CTNNA3: variants seen among roughly 807,000 people sequenced by gnomAD.
CTNNA3 encodes catenin alpha 3, also known as catenin alpha-3.
A neutral mutation model predicts 95.7 loss-of-function variants in CTNNA3; 76 were observed. That is an observed-to-expected ratio of 0.79 (90% CI 0.66 to 0.96). The LOEUF is 0.96. Among genes scored for constraint, CTNNA3 ranks in the 40% least tolerant of loss-of-function variants. The pLI is 0.00. For missense variants in CTNNA3, 1,191 were observed against 1,089.8 expected (o/e 1.09, Z -1.31); for synonymous variants, 431 against 374.4 (o/e 1.15, Z -1.74).
chr10:67,627,872 A>G (rs1839009951), intron 2 of CTNNA3, among the ~76,000 whole-genome samples: 1 of 151,884 alleles, frequency 6.6e-6, no homozygotes, highest in African/African-American at 2.4e-5. Flanking sequence ...ACTACTGTAT[A>G]TGATAAACAA....
chr10:67,629,945 A>G (rs1839086084), intron 2 of CTNNA3, among the ~76,000 whole-genome samples: 1 of 152,100 alleles, frequency 6.6e-6, no homozygotes, highest in African/African-American at 2.4e-5. Context: ...CTAGGTACTA[A>G]CTGCTTAAAT....
At chr10:66,089,466 C>A (rs1354355388) in intron 14 of CTNNA3, among the ~76,000 whole-genome samples, 1 of 151,432 alleles carries the variant, frequency 6.6e-6, no homozygotes, top group East Asian at 1.9e-4. Context: ...ATTCCTTGTG[C>A]CTTTTTTTCT....
chr10:66,911,584 A>C (rs1215887451), intron 7 of CTNNA3, among the ~76,000 whole-genome samples: 1 of 152,188 alleles, frequency 6.6e-6, no homozygotes, highest in Non-Finnish European at 1.5e-5. Flanking sequence ...TAAGAAATAG[A>C]CTAATCTCAA....
At chr10:66,425,974 A>G (rs2093237127) in intron 11 of CTNNA3, among the ~76,000 whole-genome samples, 1 of 152,050 alleles carries the variant, frequency 6.6e-6, no homozygotes, top group South Asian at 2.1e-4. Context: ...TTTGTACTTT[A>G]TATCACTTAA....
intron 9 of CTNNA3, among the ~76,000 whole-genome samples, chr10:66,675,750 C>T (rs529847709): frequency 1.8e-4 from 27 of 152,060 alleles, no homozygotes; most frequent in Admixed American, 3.3e-4. Flanking sequence ...TTTTTATTGG[C>T]ACAGATACCA....
intron 1 of CTNNA3, among the ~76,000 whole-genome samples, chr10:67,758,500 C>T (rs1198921680): frequency 6.6e-6 from 1 of 151,624 alleles, no homozygotes; most frequent in Non-Finnish European, 1.5e-5. Context: ...TAAAATGGTG[C>T]TATAATCATA....
At chr10:66,057,203 T>C (rs1378687778) in intron 15 of CTNNA3, among the ~76,000 whole-genome samples, 1 of 152,194 alleles carries the variant, frequency 6.6e-6, no homozygotes, top group Admixed American at 6.5e-5. Flanking sequence ...GTCTGAATAG[T>C]AAAGTCTGGA....
chr10:66,280,574 T>C lies in CTNNA3; in HGVS notation c.1780A>G (p.Ser594Gly). 6.2e-7 allele frequency: 1 copy of C among 1,609,336 alleles called. No individual in the cohort carries two copies. The highest frequency in any genetic ancestry group is 8.5e-7 in the Non-Finnish European group (1 of 1,177,870). ...TCCAACACATTCAATGAGCTTTTGCTTAAGGCTTCCAAGGCAACATTCACT... is the reference window on the plus strand; with the variant it reads ...TCCAACACATTCAATGAGCTTTTGCCTAAGGCTTCCAAGGCAACATTCACT... The part of the protein sequence containing the change: ...TQVNVALEAL[S>G]KSSLNVLDDN... Residue 594 changes from serine to glycine, a missense_variant, in exon 13 of 18, where the codon AGC becomes GGC. Ser to Gly is a moderately conservative substitution (Grantham distance 56). Transcript: ENST00000433211.
chr10:67,326,220 T>A (rs1452686448), intron 5 of CTNNA3, among the ~76,000 whole-genome samples: 1 of 152,206 alleles, frequency 6.6e-6, no homozygotes, highest in Non-Finnish European at 1.5e-5. Flanking sequence ...ATTTAAGCCA[T>A]TTACACTCAA....
intron 11 of CTNNA3, among the ~76,000 whole-genome samples, chr10:66,394,947 A>G (rs966796345): frequency 9.9e-5 from 15 of 152,068 alleles, no homozygotes; most frequent in African/African-American, 2.9e-4. Flanking sequence ...ATAGAATGCA[A>G]ATGTACAGAT....
intron 7 of CTNNA3, among the ~76,000 whole-genome samples, chr10:66,877,656 G>A (rs139721353): frequency 7.1e-4 from 108 of 152,208 alleles, no homozygotes; most frequent in African/African-American, 2.5e-3. Context: ...CAGCTTTCCT[G>A]CTTCGGGCCT....
chr10:66,593,266 T>C (rs1191324385), intron 10 of CTNNA3, among the ~76,000 whole-genome samples: 1 of 152,046 alleles, frequency 6.6e-6, no homozygotes, highest in African/African-American at 2.4e-5. Context: ...ACGTTGAAGA[T>C]TTCTGACTTT....
intron 7 of CTNNA3, among the ~76,000 whole-genome samples, chr10:67,138,892 G>T (rs185242667): frequency 2.1e-3 from 316 of 152,208 alleles, no homozygotes; most frequent in Middle Eastern, 3.4e-3. Flanking sequence ...TAGGGACAGT[G>T]GACAGGGCAC....
At chr10:66,626,256 C>T (rs1844930603) in intron 9 of CTNNA3, among the ~76,000 whole-genome samples, 1 of 152,106 alleles carries the variant, frequency 6.6e-6, no homozygotes, top group African/African-American at 2.4e-5. Flanking sequence ...CAGTCTGTCA[C>T]CAAGAAGTTC....
intron 13 of CTNNA3, among the ~76,000 whole-genome samples, chr10:66,268,749 T>C (rs1321357169): frequency 6.6e-6 from 1 of 152,156 alleles, no homozygotes; most frequent in Non-Finnish European, 1.5e-5. Context: ...GTCCTTTTGA[T>C]GGATTTTGTC....
At chr10:66,479,950 TCA>T (rs71466882) in intron 11 of CTNNA3, among the ~76,000 whole-genome samples, 59 of 145,302 alleles carry the variant, frequency 4.1e-4, no homozygotes, top group Admixed American at 4.8e-4. Context: ...ACCAAAGCAT[TCA>T]CACACACACA....
chr10:66,147,634 G>A (rs1034089718), intron 13 of CTNNA3, among the ~76,000 whole-genome samples: 2 of 92,930 alleles, frequency 2.2e-5, no homozygotes, highest in Non-Finnish European at 4.3e-5. Context: ...TTTTTTTGTC[G>A]TTGTTGCGCC....
At chr10:66,458,486 T>G (rs569753531) in intron 11 of CTNNA3, among the ~76,000 whole-genome samples, 2 of 152,204 alleles carry the variant, frequency 1.3e-5, no homozygotes, top group East Asian at 3.9e-4. Flanking sequence ...TGGTATTAAG[T>G]GCATTCACAT....
intron 5 of CTNNA3, among the ~76,000 whole-genome samples, chr10:67,347,180 G>C (rs986672662): frequency 1.3e-5 from 2 of 151,724 alleles, no homozygotes; most frequent in African/African-American, 4.8e-5. Flanking sequence ...CTCCCAAGTA[G>C]CTGGGACTAT....
Sources: gnomAD v4.1 joint callset for allele counts (sites outside exome capture counted in the v4.1 genomes callset) on GRCh38, gnomAD v4.1.1 for gene constraint, MANE v1.5 for transcripts, NCBI Gene and HGNC (gene_info 2026-07-23, HGNC 2026-07-21) for gene names.